ADAMTS6: variants seen among roughly 807,000 people sequenced by gnomAD.
The protein encoded by ADAMTS6 is ADAM metallopeptidase with thrombospondin type 1 motif 6.
ADAMTS6 carries 23 observed loss-of-function variants against 144.3 expected under a neutral mutation model. The ratio of observed to expected loss-of-function variants is 0.16; its 90% CI spans 0.11 to 0.23. The LOEUF is 0.23. Ranked by LOEUF, ADAMTS6 falls within the 10% of genes least tolerant of loss-of-function variation. The pLI is 1.00. For synonymous variants in ADAMTS6, 444 were observed against 457.5 expected (o/e 0.97, Z 0.38); for missense variants, 999 against 1,379.6 (o/e 0.72, Z 4.37).
chr5:65,234,319 G>A (rs1758501337), intron 15 of ADAMTS6, among the ~76,000 whole-genome samples: 1 of 149,756 alleles, frequency 6.7e-6, no homozygotes, highest in South Asian at 2.1e-4. Context: ...GGACAGCAAA[G>A]GAAACAATCA....
intron 24 of ADAMTS6, among the ~76,000 whole-genome samples, chr5:65,155,818 T>C (rs576328958): frequency 1.3e-5 from 2 of 152,312 alleles, no homozygotes; most frequent in South Asian, 2.1e-4. Context: ...ATAAATCAAC[T>C]TGGAGCATCA....
rs1042451392 is a variant in ADAMTS6, at chr5:65,301,610, C to G, written c.1224-1479G>C. Among the ~76,000 whole-genome samples the G allele has an allele frequency of 2.7e-4, 41 of 151,924 alleles. 1 individual carries two copies. Among genetic ancestry groups the G allele is most frequent in the Non-Finnish European group, 1.5e-5 (1 of 67,992 alleles). ...ATTATAGTAACTCCATGGTGGAGAT[C>G]CTGAAGTAGGAAGAGAATGGAACCA... On this transcript the variant is annotated intron_variant, in intron 9 of 24. Transcript: ENST00000381055.
rs148426832 is a variant in ADAMTS6, at chr5:65,183,708, T to C, written c.2910+4308A>G. On this transcript the variant is annotated intron_variant, in intron 22 of 24. Coordinates refer to ENST00000381055, the MANE Select transcript of ADAMTS6 (RefSeq NM_197941.4). ...AAGATGAGCCACGGTTACGTATGTA[T>C]AGACATGTATGTTATGTAATGTATA... is the stretch of plus-strand genomic sequence containing the variant. Among the ~76,000 whole-genome samples, 644 of 152,260 alleles carry C rather than the reference T, an allele frequency of 4.2e-3. 7 individuals carry two copies. The highest frequency in any genetic ancestry group is 0.015 in the African/African-American group (626 of 41,556).
chr5:65,416,383 A>T (rs10065298), intron 7 of ADAMTS6, among the ~76,000 whole-genome samples: 44,798 of 152,084 alleles, frequency 0.29, 7,571 homozygotes, highest in South Asian at 0.4. Flanking sequence ...ATAATTTTTA[A>T]GTTCTTCAAA....
intron 7 of ADAMTS6, among the ~76,000 whole-genome samples, chr5:65,444,899 T>G (rs963483792): frequency 1.3e-5 from 2 of 152,232 alleles, no homozygotes; most frequent in Non-Finnish European, 2.9e-5. Context: ...TTTCCTGTGC[T>G]TCAGCTCTCT....
intron 24 of ADAMTS6, among the ~76,000 whole-genome samples, chr5:65,170,023 A>C (rs879881144): frequency 5.9e-5 from 9 of 152,156 alleles, no homozygotes; most frequent in Non-Finnish European, 1.0e-4. Context: ...GTACCCTAAA[A>C]CTTAAAGTAT....
intron 11 of ADAMTS6, among the ~76,000 whole-genome samples, chr5:65,278,232 G>A (rs1190920254): frequency 6.6e-6 from 1 of 152,108 alleles, no homozygotes; most frequent in Non-Finnish European, 1.5e-5. Context: ...TAGTCGATGG[G>A]CACTTAGATT....
chr5:65,299,542 A>T (rs1743166245), intron 10 of ADAMTS6, among the ~76,000 whole-genome samples: 1 of 152,188 alleles, frequency 6.6e-6, no homozygotes. Flanking sequence ...TCTTTTTCTC[A>T]AAGTGTTCAT....
intron 7 of ADAMTS6, among the ~76,000 whole-genome samples, chr5:65,424,759 C>T (rs949900107): frequency 1.3e-5 from 2 of 152,106 alleles, no homozygotes. Flanking sequence ...TAAAACTTAC[C>T]ATTTCAATAA....
intron 7 of ADAMTS6, among the ~76,000 whole-genome samples, chr5:65,401,539 G>C (rs1357937984): frequency 6.6e-6 from 1 of 152,168 alleles, no homozygotes; most frequent in African/African-American, 2.4e-5. Context: ...CAATTCTCAA[G>C]TGTGAGGGTC....
chr5:65,185,113 A>G (rs1754591760), intron 22 of ADAMTS6, among the ~76,000 whole-genome samples: 1 of 152,120 alleles, frequency 6.6e-6, no homozygotes, highest in African/African-American at 2.4e-5. Flanking sequence ...TTCCGCTGGG[A>G]CCTTCTCTTT....
At chr5:65,403,795 T>C (rs554955031) in intron 7 of ADAMTS6, among the ~76,000 whole-genome samples, 4 of 152,240 alleles carry the variant, frequency 2.6e-5, no homozygotes, top group African/African-American at 7.2e-5. Flanking sequence ...GACTCCATTA[T>C]CTTCATGGAT....
intron 7 of ADAMTS6, among the ~76,000 whole-genome samples, chr5:65,430,737 T>C (rs759497468): frequency 6.6e-6 from 1 of 152,198 alleles, no homozygotes; most frequent in South Asian, 2.1e-4. Context: ...CAGACTCTTG[T>C]AGCAAATATT....
chr5:65,415,611 G>A, intron 7 of ADAMTS6: 1 of 341,276 alleles, frequency 2.9e-6, no homozygotes, highest in Non-Finnish European at 5.8e-6. Context: ...GCCCATCAAG[G>A]AGTCTGAGAT....
intron 7 of ADAMTS6, among the ~76,000 whole-genome samples, chr5:65,402,631 G>A (rs1170767212): frequency 1.3e-5 from 2 of 151,954 alleles, no homozygotes. Context: ...ATATTTTGAT[G>A]CACATACTCC....
At chr5:65,242,252 C>A in intron 14 of ADAMTS6, 46 bp from the exon 15 acceptor site, 1 of 1,435,848 alleles carries the variant, frequency 7.0e-7, no homozygotes, top group Non-Finnish European at 9.6e-7. Flanking sequence ...TGGAAAATAC[C>A]AAAAGCAAGG....
At position 65,172,960 on chromosome 5, in the gene ADAMTS6, T is replaced by C. The variant is rs1046055403; in HGVS notation, c.2959A>G (p.Lys987Glu). 4.3e-6 allele frequency: 7 copies of C among 1,614,228 alleles called. No homozygotes were observed. Among genetic ancestry groups the C allele is most frequent in the Non-Finnish European group, 5.9e-6 (7 of 1,180,036 alleles). Reference sequence around the variant, plus strand: ...AATGTCTTAGAAAGGTCACTGCTCTTGCACAGAACAATCCGATGCTTGAAT... The same window carrying C: ...AATGTCTTAGAAAGGTCACTGCTCTCGCACAGAACAATCCGATGCTTGAAT... ...PGFKHRIVLC[K>E]SSDLSKTFPA... The change falls in exon 23 of 25, where the codon AAG becomes GAG. Residue 987 changes from lysine (K) to glutamate (E), a missense_variant. By Grantham distance (56) the Lys-to-Glu change is moderately conservative. Coordinates refer to ENST00000381055, the MANE Select transcript of ADAMTS6 (RefSeq NM_197941.4).
chr5:65,454,861 C>G (rs1759057323), intron 4 of ADAMTS6, among the ~76,000 whole-genome samples: 2 of 152,198 alleles, frequency 1.3e-5, no homozygotes, highest in South Asian at 4.1e-4. Flanking sequence ...GATGAGAATT[C>G]AGCCCTGGTT....
intron 7 of ADAMTS6, among the ~76,000 whole-genome samples, chr5:65,356,609 T>A (rs947585694): frequency 1.6e-4 from 25 of 151,966 alleles, no homozygotes; most frequent in African/African-American, 6.0e-4. Flanking sequence ...TTTTCTTGTT[T>A]AGCATTTAGT....
Sources: allele counts gnomAD v4.1 joint callset (sites outside exome capture counted in the v4.1 genomes callset), GRCh38; gene constraint gnomAD v4.1.1; transcripts MANE v1.5; gene names NCBI Gene and HGNC (gene_info 2026-07-23, HGNC 2026-07-21).